Variants in ROCK2 observed in about 807,000 individuals in gnomAD.
ROCK2 encodes the protein Rho associated coiled-coil containing protein kinase 2, also known as rho-associated protein kinase 2.
Under a neutral mutation model 195.1 loss-of-function variants are expected in ROCK2, and 61 were observed. The observed-to-expected ratio is 0.31, with a 90% CI of 0.25 to 0.39. The LOEUF is 0.39. Ranked by LOEUF, ROCK2 falls within the 10% of genes least tolerant of loss-of-function variation. ROCK2 has a pLI of 1.00. For synonymous variants in ROCK2, 504 were observed against 545.5 expected (o/e 0.92, Z 1.06); for missense variants, 1,109 against 1,637.4 (o/e 0.68, Z 5.57).
chr2:11,196,034 A>C (rs1218290658), intron 27 of ROCK2, among the ~76,000 whole-genome samples: 1 of 152,184 alleles, frequency 6.6e-6, no homozygotes, highest in Non-Finnish European at 1.5e-5. Context: ...AGTAGCTATC[A>C]CTTATTTAAC....
chr2:11,253,232 C>T (rs757567754), intron 3 of ROCK2, among the ~76,000 whole-genome samples: 5 of 152,116 alleles, frequency 3.3e-5, no homozygotes, highest in Admixed American at 6.5e-5. Flanking sequence ...AATGATCTAG[C>T]CTATGTCCAC....
chr2:11,220,799 C>A (rs992769980), intron 9 of ROCK2, among the ~76,000 whole-genome samples: 2 of 152,176 alleles, frequency 1.3e-5, no homozygotes, highest in Non-Finnish European at 2.9e-5. Context: ...TGACCTATTT[C>A]TCCCTACTCC....
intron 6 of ROCK2, 137 bp from the exon 7 acceptor site, chr2:11,224,597 G>C (rs1412280559): frequency 1.4e-6 from 1 of 730,360 alleles, no homozygotes; most frequent in East Asian, 2.6e-5. Context: ...CAGAGTCCCA[G>C]TCAAAACAAC....
chr2:11,292,333 A>G (rs1388593418), intron 1 of ROCK2, among the ~76,000 whole-genome samples: 1 of 152,180 alleles, frequency 6.6e-6, no homozygotes, highest in Non-Finnish European at 1.5e-5. Flanking sequence ...TGTATTGTGC[A>G]AAGCACTATA....
rs778965800 is a variant in ROCK2, at chr2:11,208,450, A to C, written c.2204-3T>G. ...CTCCAAGAGCTTCTTCTCCATTTCT[A>C]GTATAATAAAAATGGACACAATCAT... On this transcript the variant is annotated splice_polypyrimidine_tract_variant and splice_region_variant and intron_variant, in intron 18 of 32. Coordinates refer to ENST00000315872, the MANE Select transcript of ROCK2 (RefSeq NM_004850.5). 1.4e-6 allele frequency: 2 copies of C among 1,453,112 alleles called. No homozygotes were observed. The highest frequency in any genetic ancestry group is 4.2e-5 in the Admixed American group (2 of 47,148). 90.0% of individuals were successfully genotyped at this position (1,453,112 alleles called of 1,614,324 possible).
At chr2:11,340,735 G>C (rs910750736) in intron 1 of ROCK2, among the ~76,000 whole-genome samples, 10 of 152,122 alleles carry the variant, frequency 6.6e-5, no homozygotes, top group African/African-American at 2.4e-4. Context: ...TTGTCAGATA[G>C]TTTACAAGTA....
At chr2:11,186,367 T>C (rs1043951939) in intron 32 of ROCK2, among the ~76,000 whole-genome samples, 3 of 152,184 alleles carry the variant, frequency 2.0e-5, no homozygotes, top group Non-Finnish European at 2.9e-5. Flanking sequence ...TTCAAAACCT[T>C]TGAAGTGTGT....
chr2:11,220,592 G>A (rs1664603429), intron 9 of ROCK2, among the ~76,000 whole-genome samples: 1 of 152,172 alleles, frequency 6.6e-6, no homozygotes, highest in Non-Finnish European at 1.5e-5. Context: ...AAACTGTAAT[G>A]ACATAGTAGC....
At chr2:11,330,842 G>A (rs1395514298) in intron 1 of ROCK2, among the ~76,000 whole-genome samples, 2 of 37,786 alleles carry the variant, frequency 5.3e-5, no homozygotes, top group African/African-American at 9.6e-5. Flanking sequence ...GGAAGAGGGA[G>A]GAGGAGGGGG....
At chr2:11,250,120 A>C (rs1419083679) in intron 3 of ROCK2, among the ~76,000 whole-genome samples, 1 of 152,228 alleles carries the variant, frequency 6.6e-6, no homozygotes, top group Non-Finnish European at 1.5e-5. Flanking sequence ...AGATATTGTT[A>C]AATAAGAAAC....
At chr2:11,296,976 T>A (rs1378689078) in intron 1 of ROCK2, among the ~76,000 whole-genome samples, 1 of 152,130 alleles carries the variant, frequency 6.6e-6, no homozygotes, top group African/African-American at 2.4e-5. Flanking sequence ...AGCTTAACAT[T>A]TTATTTAAGA....
intron 1 of ROCK2, among the ~76,000 whole-genome samples, chr2:11,343,792 G>C (rs1004669185): frequency 2.0e-5 from 3 of 152,192 alleles, no homozygotes; most frequent in African/African-American, 7.2e-5. Context: ...TCCAGCAGGA[G>C]GTAGAGGGAG....
At chr2:11,295,238 A>G (rs1667475333) in intron 1 of ROCK2, among the ~76,000 whole-genome samples, 1 of 152,216 alleles carries the variant, frequency 6.6e-6, no homozygotes, top group Admixed American at 6.5e-5. Flanking sequence ...ATTATAAAAT[A>G]TTAGAAAAAG....
rs1443199981 is a variant in ROCK2, at chr2:11,224,407, C to T, written c.922G>A (p.Asp308Asn). The T allele has an allele frequency of 6.2e-7, 1 of 1,612,654 alleles. No homozygotes were observed. The highest frequency in any genetic ancestry group is 1.1e-5 in the South Asian group (1 of 90,884). Residue 308 changes from aspartate to asparagine, a missense_variant, in exon 7 of 33, where the codon GAT (aspartate) becomes AAT (asparagine). Asp to Asn is a conservative substitution (Grantham distance 23, BLOSUM62 1). Transcript: ENST00000315872. ...SLVGTYSKIM[D>N]HKNSLCFPED... The stretch of plus-strand genomic sequence containing the variant: ...GGGAAACACAGTGAATTCTTATGAT[C>T]CATAATTTTGCTATATGTTCCTACA...
At chr2:11,269,373 G>T (rs1666542127) in intron 3 of ROCK2, among the ~76,000 whole-genome samples, 1 of 152,096 alleles carries the variant, frequency 6.6e-6, no homozygotes, top group South Asian at 2.1e-4. Context: ...CTAGCCAGGT[G>T]TGGTGACAGG....
At chr2:11,314,820 A>G (rs1476977046) in intron 1 of ROCK2, among the ~76,000 whole-genome samples, 1 of 152,002 alleles carries the variant, frequency 6.6e-6, no homozygotes, top group Non-Finnish European at 1.5e-5. Context: ...ATATCCAAAA[A>G]CTTTCTCCTG....
intron 3 of ROCK2, among the ~76,000 whole-genome samples, chr2:11,267,917 G>C (rs1479999112): frequency 6.6e-6 from 1 of 151,870 alleles, no homozygotes; most frequent in Non-Finnish European, 1.5e-5. Flanking sequence ...AAAATGCTGG[G>C]ATTACAGGTG....
At chr2:11,232,228 A>C (rs1185388407) in intron 5 of ROCK2, among the ~76,000 whole-genome samples, 2 of 151,942 alleles carry the variant, frequency 1.3e-5, no homozygotes, top group Non-Finnish European at 2.9e-5. Context: ...CCCTGGGTTC[A>C]AGCAATTCTC....
chr2:11,258,451 T>C (rs966449500), intron 3 of ROCK2, among the ~76,000 whole-genome samples: 2 of 151,500 alleles, frequency 1.3e-5, no homozygotes, highest in African/African-American at 2.5e-5. Flanking sequence ...AATTCTTTTT[T>C]AAAATGTTCC....
Sources: gnomAD v4.1 joint callset for allele counts (sites outside exome capture counted in the v4.1 genomes callset) on GRCh38, gnomAD v4.1.1 for gene constraint, MANE v1.5 for transcripts, NCBI Gene and HGNC (gene_info 2026-07-23, HGNC 2026-07-21) for gene names.